Variants in SORCS3 observed in about 807,000 individuals in gnomAD.
SORCS3 encodes the protein sortilin related VPS10 domain containing receptor 3.
In SORCS3, 57 loss-of-function variants were observed where a neutral mutation model predicts 146.3. That is an observed-to-expected ratio of 0.39 (90% CI 0.31 to 0.49). The LOEUF (loss-of-function observed/expected upper bound fraction) is 0.49, where lower values mean the gene tolerates loss of function less well. Among genes scored for constraint, SORCS3 ranks in the 20% least tolerant of loss-of-function variants. The pLI, the probability that SORCS3 is intolerant of heterozygous loss-of-function variation, is 0.92. For synonymous variants in SORCS3, 653 were observed against 618.5 expected (o/e 1.06, Z -0.83); for missense variants, 1,341 against 1,575.5 (o/e 0.85, Z 2.52).
At chr10:104,760,790 G>A (rs1041759785) in intron 1 of SORCS3, among the ~76,000 whole-genome samples, 1 of 152,098 alleles carries the variant, frequency 6.6e-6, no homozygotes, top group South Asian at 2.1e-4. Flanking sequence ...TGAGTCTCTT[G>A]ATTCAGAGAC....
chr10:104,655,522 T>C (rs2015617328), intron 1 of SORCS3, among the ~76,000 whole-genome samples: 1 of 152,196 alleles, frequency 6.6e-6, no homozygotes, highest in South Asian at 2.1e-4. Context: ...TTTCTTTTTC[T>C]TTAAAAAAAT....
intron 1 of SORCS3, 68 bp downstream of exon 1, chr10:104,642,022 G>GAAGGGGGGGGGGGGGGGGA: frequency 5.8e-6 from 1 of 173,334 alleles, no homozygotes; most frequent in Non-Finnish European, 1.1e-5. Context: ...GGGTGGGTGG[G>GAAGGGGGGGGGGGGGGGGA]AGCGAGGGAC....
intron 4 of SORCS3, among the ~76,000 whole-genome samples, chr10:105,030,281 G>T (rs892539505): frequency 6.6e-6 from 1 of 152,176 alleles, no homozygotes; most frequent in Non-Finnish European, 1.5e-5. Flanking sequence ...CTGTGGTTGA[G>T]TAGGCAGTTC....
chr10:105,086,160 T>C (rs983973284), intron 5 of SORCS3, among the ~76,000 whole-genome samples: 1 of 152,186 alleles, frequency 6.6e-6, no homozygotes, highest in Non-Finnish European at 1.5e-5. Context: ...CTGATCACCA[T>C]AGCCAAGATG....
intron 4 of SORCS3, among the ~76,000 whole-genome samples, chr10:104,997,507 C>T (rs2055034176): frequency 6.6e-6 from 1 of 152,164 alleles, no homozygotes; most frequent in Non-Finnish European, 1.5e-5. Context: ...CTCTAAACCT[C>T]TGCTGTTATA....
At chr10:105,082,284 G>T (rs978940319) in intron 5 of SORCS3, among the ~76,000 whole-genome samples, 1 of 152,108 alleles carries the variant, frequency 6.6e-6, no homozygotes, top group Non-Finnish European at 1.5e-5. Flanking sequence ...AGTAGCAGGG[G>T]CTTCTTATAT....
chr10:104,849,227 A>G (rs1564697655), intron 2 of SORCS3, among the ~76,000 whole-genome samples: 1 of 152,038 alleles, frequency 6.6e-6, no homozygotes, highest in Non-Finnish European at 1.5e-5. Context: ...CCTGGCCAAC[A>G]TGGTGAAACC....
At chr10:105,201,367 T>C in intron 16 of SORCS3, 114 bp downstream of exon 16, 1 of 1,288,586 alleles carries the variant, frequency 7.8e-7, no homozygotes, top group Non-Finnish European at 1.1e-6. Flanking sequence ...ATAGGAGGTG[T>C]ATCTGCTGGC....
chr10:104,909,087 G>T (rs1306627135), intron 2 of SORCS3, among the ~76,000 whole-genome samples: 1 of 152,154 alleles, frequency 6.6e-6, no homozygotes, highest in East Asian at 1.9e-4. Context: ...ATACCAGCTA[G>T]AGCAGCACCA....
intron 1 of SORCS3, among the ~76,000 whole-genome samples, chr10:104,644,445 A>G (rs1475561707): frequency 1.3e-5 from 2 of 152,230 alleles, no homozygotes; most frequent in African/African-American, 4.8e-5. Context: ...ACTTTAAGGA[A>G]ATCTCCTGGA....
chr10:105,211,728 G>T (rs1323153441), intron 17 of SORCS3, among the ~76,000 whole-genome samples: 1 of 152,204 alleles, frequency 6.6e-6, no homozygotes. Flanking sequence ...CAAATGACGT[G>T]TGTGTTTATC....
At chr10:104,871,096 G>A (rs2018514513) in intron 2 of SORCS3, among the ~76,000 whole-genome samples, 1 of 152,172 alleles carries the variant, frequency 6.6e-6, no homozygotes, top group Non-Finnish European at 1.5e-5. Context: ...GCTTCCCAGA[G>A]GAACCACGGG....
intron 2 of SORCS3, among the ~76,000 whole-genome samples, chr10:104,863,569 G>A (rs1398145469): frequency 6.6e-6 from 1 of 152,184 alleles, no homozygotes; most frequent in Non-Finnish European, 1.5e-5. Context: ...GCACCTGGCT[G>A]TGTTGTATGT....
Position 105,017,345 on chromosome 10 carries a change from G to A in SORCS3, c.955-25710G>A, listed in dbSNP as rs1022790904. ...CAAGATGCAGTGAAAGAATAGGAAG[G>A]TGGTTTCCCACTTCCAACTGGTGCT... is the stretch of plus-strand genomic sequence containing the variant. On this transcript the variant is annotated intron_variant, in intron 4 of 26. Coordinates refer to ENST00000369701, the MANE Select transcript of SORCS3 (RefSeq NM_014978.3). Among the ~76,000 whole-genome samples, 6 of 152,228 alleles carry A rather than the reference G, an allele frequency of 3.9e-5. No homozygotes were observed. The East Asian group carries it at 1.2e-3, about 29-fold the overall frequency.
chr10:104,751,959 ATATATATAT>A (rs2016992146), intron 1 of SORCS3, among the ~76,000 whole-genome samples: 3 of 112,030 alleles, frequency 2.7e-5, no homozygotes, highest in Non-Finnish European at 5.4e-5. Context: ...ATATATATAT[ATATATATAT>A]AATAGTTTAG....
chr10:105,079,178 A>C (rs1480111342), intron 5 of SORCS3, among the ~76,000 whole-genome samples: 1 of 152,218 alleles, frequency 6.6e-6, no homozygotes, highest in East Asian at 1.9e-4. Flanking sequence ...CGGTGTTCCA[A>C]CAAGCCCACC....
chr10:104,656,319 C>T (rs1055286550), intron 1 of SORCS3, among the ~76,000 whole-genome samples: 17 of 152,012 alleles, frequency 1.1e-4, no homozygotes, highest in African/African-American at 4.1e-4. Context: ...GCTAGACAGG[C>T]AGGCATGGGC....
intron 1 of SORCS3, among the ~76,000 whole-genome samples, chr10:104,735,677 G>C (rs927125477): frequency 6.6e-6 from 1 of 151,920 alleles, no homozygotes; most frequent in African/African-American, 2.4e-5. Context: ...TGAGCCCCTG[G>C]CCTGTTGGTG....
chr10:104,835,646 C>T (rs893609689), intron 1 of SORCS3, among the ~76,000 whole-genome samples: 7 of 152,172 alleles, frequency 4.6e-5, no homozygotes, highest in African/African-American at 1.7e-4. Flanking sequence ...TGCCTGGCTT[C>T]CAAAGCTGAG....
Sources: gnomAD v4.1 joint callset for allele counts (sites outside exome capture counted in the v4.1 genomes callset) on GRCh38, gnomAD v4.1.1 for gene constraint, MANE v1.5 for transcripts, NCBI Gene and HGNC (gene_info 2026-07-23, HGNC 2026-07-21) for gene names.